The following RAB35 variants were observed in gnomAD, a reference collection of about 807,000 sequenced individuals.
RAB35 encodes the protein RAB35, member RAS oncogene family, also known as ras-related protein Rab-35.
In RAB35, 4 loss-of-function variants were observed where a neutral mutation model predicts 28.9. That is an observed-to-expected ratio of 0.14 (90% CI 0.07 to 0.32). RAB35 has a LOEUF of 0.32. Among genes scored for constraint, RAB35 ranks in the 10% least tolerant of loss-of-function variants. The pLI, the probability that RAB35 is intolerant of heterozygous loss-of-function variation, is 1.00. For synonymous variants in RAB35, 99 were observed against 105.1 expected (o/e 0.94, Z 0.35); for missense variants, 128 against 274.0 (o/e 0.47, Z 3.76).
intron 3 of RAB35, among the ~76,000 whole-genome samples, chr12:120,101,874 C>T (rs1026988247): frequency 3.3e-5 from 5 of 152,248 alleles, no homozygotes; most frequent in Admixed American, 2.0e-4. Flanking sequence ...AGTTCACCTT[C>T]TTCCCGCTCT....
Position 120,098,908 on chromosome 12 carries a change from C to T in RAB35, c.380G>A (p.Arg127Gln), listed in dbSNP as rs776757834. The change falls in exon 5 of 6, where the codon CGG (arginine) becomes CAG (glutamine). Residue 127 changes from arginine to glutamine, a missense_variant. By Grantham distance (43) the Arg-to-Gln change is conservative. Transcript: ENST00000229340. The part of the protein sequence containing the change: ...LVGNKNDDPE[R>Q]KVVETEDAYK... ...GGCATCTTCCGTCTCCACCACCTTC[C>T]GCTCAGGGTCGTCATTCTTATTACC... is the stretch of plus-strand genomic sequence containing the variant. The T allele has an allele frequency of 3.7e-6, 6 of 1,614,234 alleles. No individual in the cohort carries two copies. The highest frequency in any genetic ancestry group is 2.2e-5 in the South Asian group (2 of 91,086).
chr12:120,101,010 G>C (rs1033304801), intron 3 of RAB35, among the ~76,000 whole-genome samples: 1 of 152,232 alleles, frequency 6.6e-6, no homozygotes, highest in Non-Finnish European at 1.5e-5. Flanking sequence ...TGGCCCCGGC[G>C]CACAGCCCCC....
intron 1 of RAB35, 29 bp from the exon 2 acceptor site, chr12:120,108,496 G>T (rs780651948): frequency 6.2e-7 from 1 of 1,607,160 alleles, no homozygotes; most frequent in Admixed American, 1.7e-5. Flanking sequence ...TGCGATGAGG[G>T]GGGCAGGTGG....
At position 120,096,460 on chromosome 12, in the gene RAB35, C is replaced by G; in HGVS notation, c.*785G>C. On this transcript the variant is annotated 3_prime_UTR_variant, in exon 6 of 6. Transcript: ENST00000229340. ...CCCCCCTGCCAGCCCCATCTCTGCA[C>G]GAACCTACCCCGACCTTTCTGTTGG... 1 of 1,289,736 alleles carries G rather than the reference C, an allele frequency of 7.8e-7. No individual in the cohort carries two copies. The highest frequency in any genetic ancestry group is 1.0e-6 in the Non-Finnish European group (1 of 988,862). 79.9% of individuals were successfully genotyped at this position (1,289,736 alleles called of 1,614,324 possible).
chr12:120,097,419 G>A (rs922457831), intron 5 of RAB35, 46 bp from the exon 6 acceptor site: 1 of 1,521,210 alleles, frequency 6.6e-7, no homozygotes, highest in African/African-American at 1.4e-5. Context: ...CTGGCCAGGA[G>A]GCCCCTGCTG....
In RAB35 at chr12:120,107,854, A is replaced by T. The variant is rs573779639; in HGVS notation, c.103+563T>A. Among the ~76,000 whole-genome samples the T allele has an allele frequency of 3.1e-3, 441 of 142,864 alleles. 4 individuals are homozygous for T. Among genetic ancestry groups the T allele is most frequent in the Non-Finnish European group, 3.8e-3 (250 of 66,042 alleles). The allele number at this position is 142,864 out of a possible 152,430, so 93.7% of individuals were successfully genotyped here. A position where few individuals can be genotyped will look rare whatever the true frequency, so the allele number is the denominator to read the frequency against. ...TGCACTCCAGCCTGGGTGACAGAGC[A>T]AGACTCCATCTCAAAAAAAAAAAAA... is the stretch of plus-strand genomic sequence containing the variant. On this transcript the variant is annotated intron_variant, in intron 2 of 5. Transcript: ENST00000229340.
At chr12:120,115,960 T>C (rs1594249124) in intron 1 of RAB35, among the ~76,000 whole-genome samples, 2 of 152,138 alleles carry the variant, frequency 1.3e-5, no homozygotes, top group East Asian at 3.8e-4. Context: ...CACGCAGGGA[T>C]ATAATAATTC....
intron 3 of RAB35, among the ~76,000 whole-genome samples, chr12:120,102,133 GC>G (rs1794671534): frequency 6.6e-6 from 1 of 152,196 alleles, no homozygotes; most frequent in Non-Finnish European, 1.5e-5. Context: ...AACCCTGAGT[GC>G]CCCCAACCTC....
chr12:120,109,703 T>C (rs892560846), intron 1 of RAB35, among the ~76,000 whole-genome samples: 3 of 150,182 alleles, frequency 2.0e-5, no homozygotes, highest in African/African-American at 7.4e-5. Context: ...GAGGTCTTGC[T>C]ATGTTGCCCA....
chr12:120,101,409 C>A (rs1875651114), intron 3 of RAB35, among the ~76,000 whole-genome samples: 1 of 152,182 alleles, frequency 6.6e-6, no homozygotes, highest in South Asian at 2.1e-4. Context: ...CCATCCCACC[C>A]GCACCTCTCA....
At position 120,103,265 on chromosome 12, in the gene RAB35, C is replaced by G. The variant is rs889557500; in HGVS notation, c.227+561G>C. ...CCCAGCTTCCCCCCGGCCTGCAGCT[C>G]AGCCACAAAGGTGGGCAACCGGTGG... On this transcript the variant is annotated intron_variant, in intron 3 of 5. Coordinates refer to ENST00000229340, the MANE Select transcript of RAB35 (RefSeq NM_006861.7). The surrounding 1 kb of genome is among the most constrained non-coding windows in gnomAD (Gnocchi z 6.1). Among the ~76,000 whole-genome samples the G allele has an allele frequency of 1.3e-5, 2 of 152,216 alleles. No homozygotes were observed.
chr12:120,098,912 C>T lies in RAB35; in HGVS notation c.376G>A (p.Glu126Lys). The T allele has an allele frequency of 6.2e-7, 1 of 1,614,266 alleles. No homozygotes were observed. Reference sequence around the variant, plus strand: ...TCTTCCGTCTCCACCACCTTCCGCTCAGGGTCGTCATTCTTATTACCCACT... The same window carrying T: ...TCTTCCGTCTCCACCACCTTCCGCTTAGGGTCGTCATTCTTATTACCCACT... ...ILVGNKNDDP[E>K]RKVVETEDAY... Residue 126 changes from glutamate (E) to lysine (K), a missense_variant, in exon 5 of 6, where the codon GAG (glutamate) becomes AAG (lysine). Glu to Lys is a moderately conservative substitution (Grantham distance 56, BLOSUM62 1). Transcript: ENST00000229340.
intron 1 of RAB35, among the ~76,000 whole-genome samples, chr12:120,109,314 G>A (rs950932456): frequency 3.9e-5 from 6 of 152,240 alleles, no homozygotes; most frequent in Admixed American, 2.6e-4. Context: ...TTAGCTGGGC[G>A]TGGTGGCACA....
chr12:120,099,238 C>CTGG (rs1875561867), intron 3 of RAB35, 84 bp from the exon 4 acceptor site: 1 of 1,565,484 alleles, frequency 6.4e-7, no homozygotes, highest in Admixed American at 1.7e-5. Flanking sequence ...CGTCAGGACA[C>CTGG]TGACCCGGAA....
At position 120,098,877 on chromosome 12, in the gene RAB35, T is replaced by G; in HGVS notation, c.411A>C (p.Lys137Asn). 6.2e-7 allele frequency: 1 copy of G among 1,614,216 alleles called. No homozygotes were observed. The highest frequency in any genetic ancestry group is 8.5e-7 in the Non-Finnish European group (1 of 1,180,038). The change falls in exon 5 of 6, where the codon AAA becomes AAC. Residue 137 changes from lysine (K) to asparagine (N), a missense_variant. Coordinates refer to ENST00000229340, the MANE Select transcript of RAB35 (RefSeq NM_006861.7). ...ACTGGATGCCCATCTGCCCGGCGAA[T>G]TTGTAGGCATCTTCCGTCTCCACCA... ...RKVVETEDAY[K>N]FAGQMGIQLF...
At chr12:120,097,451 C>A in intron 5 of RAB35, 78 bp from the exon 6 acceptor site, 6 of 1,171,844 alleles carry the variant, frequency 5.1e-6, no homozygotes, top group Admixed American at 2.2e-5. Context: ...TGCCTCCCCG[C>A]CTTCCGGGGC....
intron 3 of RAB35, among the ~76,000 whole-genome samples, chr12:120,102,841 G>A (rs117633971): frequency 0.025 from 3,783 of 152,310 alleles, 62 homozygotes; most frequent in Middle Eastern, 0.068. Context: ...AGCTGCTCGA[G>A]AGAGCCAAGG....
intron 1 of RAB35, among the ~76,000 whole-genome samples, chr12:120,116,285 G>A (rs375954127): frequency 1.3e-5 from 2 of 152,166 alleles, no homozygotes; most frequent in Non-Finnish European, 1.5e-5. Flanking sequence ...GTCAGCGCGA[G>A]GCAGGTGGTA....
intron 2 of RAB35, among the ~76,000 whole-genome samples, chr12:120,107,351 GT>G (rs1161770383): frequency 2.0e-5 from 3 of 152,282 alleles, no homozygotes; most frequent in Admixed American, 1.3e-4. Context: ...AAATACAAAT[GT>G]AAACAAGTTA....
Sources: gnomAD v4.1 joint callset for allele counts (sites outside exome capture counted in the v4.1 genomes callset) on GRCh38, gnomAD v4.1.1 for gene constraint, Gnocchi (gnomAD v3.1) non-coding constraint, MANE v1.5 for transcripts, NCBI Gene and HGNC (gene_info 2026-07-23, HGNC 2026-07-21) for gene names.